Variants in PLXNB2 observed in about 807,000 individuals in gnomAD.
The protein encoded by PLXNB2 is plexin-B2.
PLXNB2 carries 85 observed loss-of-function variants against 202.6 expected under a neutral mutation model. The observed-to-expected ratio is 0.42, with a 90% CI of 0.35 to 0.50. PLXNB2 has a LOEUF of 0.50. Ranked by LOEUF, PLXNB2 falls within the 20% of genes least tolerant of loss-of-function variation. PLXNB2 has a pLI of 0.02. For synonymous variants in PLXNB2, 1,239 were observed against 1,137.6 expected, an observed-to-expected ratio of 1.09 and a Z score of -1.79; for missense variants, 2,063 against 2,586.2, an observed-to-expected ratio of 0.80 and a Z score of 4.39.
rs557986261 is a variant in PLXNB2 at position 50,296,810 on chromosome 22, C to T, written c.-73-2032G>A. On this transcript the variant is annotated intron_variant, in intron 1 of 36. Transcript: ENST00000359337. ...CGCAGGGCCAGGCCCCACTCTCCTC[C>T]CACCCCACCGGGATCCTCATGTGCC... Among the ~76,000 whole-genome samples, 66 of 152,162 alleles carry T rather than the reference C, an allele frequency of 4.3e-4. No homozygotes were observed. In the Middle Eastern group the frequency reaches 0.014, roughly 31 times the overall value.
At chr22:50,287,914 C>A in intron 6 of PLXNB2, 23 bp downstream of exon 6, 1 of 1,580,398 alleles carries the variant, frequency 6.3e-7, no homozygotes. Flanking sequence ...AGGCCGTGTC[C>A]CCGAGCCACC....
Position 50,280,614 on chromosome 22 carries a change from G to C in PLXNB2, c.4050C>G (p.Phe1350Leu), listed in dbSNP as rs1259523188. Residue 1350 changes from phenylalanine to leucine, a missense_variant, in exon 25 of 37, where the codon TTC becomes TTG. Physicochemically the swap from Phe to Leu is conservative, Grantham distance 22. Transcript: ENST00000359337. ...GCAGCGCCACCGTCAGCAGGGACGC[G>C]AAGTAGACCTTGGCGCGGGCCGAGA... ...REFSARAKVYFASLLTVALHG... is the reference protein window; with the variant it reads ...REFSARAKVYLASLLTVALHG... 6.2e-7 allele frequency: 1 copy of C among 1,612,594 alleles called. No homozygotes were observed. The highest frequency in any genetic ancestry group is 8.5e-7 in the Non-Finnish European group (1 of 1,179,902).
In PLXNB2 at chr22:50,286,251, C is replaced by G; in HGVS notation, c.1799G>C (p.Arg600Pro). The G allele has an allele frequency of 6.2e-7, 1 of 1,613,234 alleles. No individual in the cohort carries two copies. The highest frequency in any genetic ancestry group is 8.5e-7 in the Non-Finnish European group (1 of 1,179,890). Residue 600 changes from arginine to proline, a missense_variant, in exon 9 of 37, where the codon CGA becomes CCA. Arg to Pro is a moderately radical substitution (Grantham distance 103, BLOSUM62 -2). This residue lies in a region of PLXNB2 where 1,303 missense variants were observed against 1,476.8 expected (regional missense o/e 0.88). Transcript: ENST00000359337. The part of the protein sequence containing the change: ...VAVTIQLLLR[R>P]GNIFLTSYQY... ...GTAGGACGTGAGGAAGATGTTGCCTCGTCTAAGGAGGAGCTGGATGGTCAC... is the reference window on the plus strand; with the variant it reads ...GTAGGACGTGAGGAAGATGTTGCCTGGTCTAAGGAGGAGCTGGATGGTCAC...
Position 50,297,879 on chromosome 22 carries a change from G to A in PLXNB2, c.-73-3101C>T, listed in dbSNP as rs28672672. Among the ~76,000 whole-genome samples, 11,574 of 152,066 alleles carry A rather than the reference G, an allele frequency of 0.076. 1,104 individuals carry two copies. Among genetic ancestry groups the A allele is most frequent in the African/African-American group, 0.22 (9,281 of 41,404 alleles). On this transcript the variant is annotated intron_variant, in intron 1 of 36. Transcript: ENST00000359337. This position sits in a 1 kb window ranked among gnomAD's most constrained non-coding sequence, Gnocchi z 5.3. ...CAGAGGGCTGCCTTGAGGTTGAGTGGGTGTGGAAATCTTTACAGCTGTGCC... is the reference window on the plus strand; with the variant it reads ...CAGAGGGCTGCCTTGAGGTTGAGTGAGTGTGGAAATCTTTACAGCTGTGCC...
chr22:50,292,509 C>T (rs569470187), intron 2 of PLXNB2, among the ~76,000 whole-genome samples: 2 of 152,262 alleles, frequency 1.3e-5, no homozygotes, highest in South Asian at 2.1e-4. Flanking sequence ...GGCCACACCG[C>T]GGGCATGGGT....
intron 27 of PLXNB2, 29 bp from the exon 28 acceptor site, chr22:50,279,040 T>A (rs760007640): frequency 3.2e-6 from 5 of 1,578,886 alleles, no homozygotes; most frequent in Non-Finnish European, 8.6e-7. Context: ...TGAAGCCCAG[T>A]GGGAGGCCCT....
intron 27 of PLXNB2, among the ~76,000 whole-genome samples, chr22:50,279,358 C>A (rs76461841): frequency 0.02 from 3,087 of 152,336 alleles, 44 homozygotes; most frequent in Middle Eastern, 0.054. Flanking sequence ...GAACCCTGGA[C>A]ACACCTGGTG....
intron 1 of PLXNB2, among the ~76,000 whole-genome samples, chr22:50,295,139 T>A (rs1329628929): frequency 5.9e-5 from 9 of 151,910 alleles, no homozygotes; most frequent in Admixed American, 5.9e-4. Context: ...GTGAACACAG[T>A]GAAACCCCGT....
chr22:50,290,209 T>C lies in PLXNB2; in HGVS notation c.376A>G (p.Ser126Gly). The C allele has an allele frequency of 6.2e-7, 1 of 1,612,420 alleles. No individual in the cohort carries two copies. The highest frequency in any genetic ancestry group is 8.5e-7 in the Non-Finnish European group (1 of 1,180,008). The change falls in exon 3 of 37, where the codon AGC becomes GGC. Residue 126 changes from serine to glycine, a missense_variant. Coordinates refer to ENST00000359337, the MANE Select transcript of PLXNB2 (RefSeq NM_012401.4). ...FKGICALRAL[S>G]NISLRLFYED... ...TAGAACAGGCGGAGGGAGATGTTGC[T>C]CAGGGCGCGCAGAGCGCAGATGCCC...
At chr22:50,276,509 C>A in intron 35 of PLXNB2, 120 bp downstream of exon 35, 1 of 877,016 alleles carries the variant, frequency 1.1e-6, no homozygotes. Context: ...CTCGAGGTCC[C>A]GCCCCACCCT....
Position 50,278,079 on chromosome 22 carries a change from G to C in PLXNB2, c.4887+38C>G. The C allele has an allele frequency of 1.9e-6, 3 of 1,603,614 alleles. 1 individual carries two copies. In the South Asian group the frequency reaches 3.3e-5, roughly 18 times the overall value. ...CTCCTGGGGGGGAGGGTCTCAGCGT[G>C]GCGGCCTGGTGCCGCCCACACACCC... On this transcript the variant is annotated intron_variant, in intron 31 of 36. Coordinates refer to ENST00000359337, the MANE Select transcript of PLXNB2 (RefSeq NM_012401.4).
In PLXNB2 at chr22:50,276,710, G is replaced by A. The variant is rs1250985019; in HGVS notation, c.5262-6C>T. The A allele has an allele frequency of 1.9e-6, 3 of 1,612,860 alleles. No homozygotes were observed. Among genetic ancestry groups the A allele is most frequent in the Admixed American group, 1.7e-5 (1 of 59,990 alleles). ...GCCGGATCCCCTTGTAGTAACTGCA[G>A]GGGTGGGAGCATCATACAGTGTGGG... is the stretch of plus-strand genomic sequence containing the variant. On this transcript the variant is annotated splice_polypyrimidine_tract_variant and splice_region_variant and intron_variant, in intron 34 of 36. Coordinates refer to ENST00000359337, the MANE Select transcript of PLXNB2 (RefSeq NM_012401.4).
rs1429942864 is a variant in PLXNB2 at position 50,284,495 on chromosome 22, A to G, written c.2181+78T>C. 1.9e-6 allele frequency: 2 copies of G among 1,077,108 alleles called. No homozygotes were observed. The highest frequency in any genetic ancestry group is 2.8e-6 in the Non-Finnish European group (2 of 723,466). 66.7% of individuals were successfully genotyped at this position (1,077,108 alleles called of 1,614,324 possible). On this transcript the variant is annotated intron_variant, in intron 12 of 36. Coordinates refer to ENST00000359337, the MANE Select transcript of PLXNB2 (RefSeq NM_012401.4). This position sits in a 1 kb window ranked among gnomAD's most constrained non-coding sequence, Gnocchi z 8.0. ...GGGTCTCCCTGCTGCCCCTCCCCTC[A>G]CAGTCCTGAAGGTGACCCCCCACCC... is the stretch of plus-strand genomic sequence containing the variant.
rs368065280 is a variant in PLXNB2 at position 50,283,058 on chromosome 22, C to A, written c.2808G>T (p.Pro936=). ...EDVRVTLNGV[P]CKVTKFGAQL... ...CTGGCGGTGACACCCACACTTTACA[C>A]GGGACGCCGTTGAGGGTCACCCGCA... Residue 936 remains proline, a synonymous_variant, in exon 17 of 37, where the codon CCG becomes CCT. Transcript: ENST00000359337. 2.2e-5 allele frequency: 36 copies of A among 1,609,388 alleles called. No individual in the cohort carries two copies. The highest frequency in any genetic ancestry group is 3.3e-4 in the Middle Eastern group (2 of 6,034).
chr22:50,296,461 C>T (rs28611014), intron 1 of PLXNB2, among the ~76,000 whole-genome samples: 30,835 of 150,774 alleles, frequency 0.2, 3,448 homozygotes, highest in Non-Finnish European at 0.26. Context: ...AGAAGCTGAG[C>T]CAGGCACGGT....
chr22:50,282,156 C>T (rs1372954467), intron 19 of PLXNB2, 28 bp downstream of exon 19: 1 of 1,604,418 alleles, frequency 6.2e-7, no homozygotes, highest in Non-Finnish European at 8.5e-7. Flanking sequence ...TGGGCCGGTG[C>T]CAGAGCTGAG....
rs1413009020 is a variant in PLXNB2, at chr22:50,283,374, A to G, written c.2642T>C (p.Leu881Pro). The change falls in exon 16 of 37, where the codon CTG (leucine) becomes CCG (proline). Residue 881 changes from leucine to proline, a missense_variant. Transcript: ENST00000359337. ...CTGGACATTGGGAGGCGAACGGCCC[A>G]GTTTCCCGAAGACGTCCACCTCGAC... ...GGVEVDVFGK[L>P]GRSPPNVQFT... 1 of 1,613,122 alleles carries G rather than the reference A, an allele frequency of 6.2e-7. No individual in the cohort carries two copies. The highest frequency in any genetic ancestry group is 1.7e-5 in the Admixed American group (1 of 60,012).
chr22:50,295,582 A>G (rs2067203251), intron 1 of PLXNB2, among the ~76,000 whole-genome samples: 1 of 152,288 alleles, frequency 6.6e-6, no homozygotes, highest in Middle Eastern at 3.4e-3. Flanking sequence ...AGTTCTGGAT[A>G]AACACCGACT....
Position 50,281,319 on chromosome 22 carries a change from C to T in PLXNB2, c.3662+41G>A, listed in dbSNP as rs372695908. On this transcript the variant is annotated intron_variant, in intron 22 of 36. Transcript: ENST00000359337. Reference sequence around the variant, plus strand: ...GCCAGAGGGGCCGAGGCGGGAGGGCCGAGGGCTCAGGGTGTTGGCACAGCC... The same window carrying T: ...GCCAGAGGGGCCGAGGCGGGAGGGCTGAGGGCTCAGGGTGTTGGCACAGCC... 292 of 1,605,768 alleles carry T rather than the reference C, an allele frequency of 1.8e-4. 1 individual carries two copies. Among genetic ancestry groups the T allele is most frequent in the Non-Finnish European group, 2.3e-4 (265 of 1,176,484 alleles).
Sources: gnomAD v4.1 joint callset for allele counts (sites outside exome capture counted in the v4.1 genomes callset) on GRCh38, gnomAD v4.1.1 for gene constraint, gnomAD v4.1.1 regional missense constraint, Gnocchi (gnomAD v3.1) non-coding constraint, MANE v1.5 for transcripts, NCBI Gene and HGNC (gene_info 2026-07-23, HGNC 2026-07-21) for gene names.